The following CATSPERG variants were observed in gnomAD, a reference collection of about 807,000 sequenced individuals.
The protein encoded by CATSPERG is catsper channel auxiliary subunit gamma.
In CATSPERG, 115 loss-of-function variants were observed where a neutral mutation model predicts 145.0. The ratio of observed to expected loss-of-function variants is 0.79; its 90% CI spans 0.68 to 0.93. CATSPERG has a LOEUF of 0.93. Ranked by LOEUF, CATSPERG falls within the 40% of genes least tolerant of loss-of-function variation. CATSPERG has a pLI of 0.00. For synonymous variants in CATSPERG, 588 were observed against 589.0 expected, an observed-to-expected ratio of 1.00 and a Z score of 0.02; for missense variants, 1,296 against 1,490.1, an observed-to-expected ratio of 0.87 and a Z score of 2.14.
Position 38,354,804 on chromosome 19 carries a change from C to T in CATSPERG, c.1092C>T (p.Thr364=). Residue 364 remains threonine, a synonymous_variant, in exon 9 of 29, where the codon ACC becomes ACT. Coordinates refer to ENST00000409235, the MANE Select transcript of CATSPERG (RefSeq NM_021185.5). ...GCTCTGAGTACATAATGGCCCTCAC[C>T]ACGGGCAAGCATGAGGGTTATGTAC... The part of the protein sequence containing the change: ...SNGSEYIMAL[T]TGKHEGYVHF... 1.2e-6 allele frequency: 2 copies of T among 1,614,128 alleles called. No individual in the cohort carries two copies. The highest frequency in any genetic ancestry group is 1.7e-6 in the Non-Finnish European group (2 of 1,179,988).
chr19:38,359,194 C>A (rs985533002), intron 13 of CATSPERG, among the ~76,000 whole-genome samples: 51 of 152,016 alleles, frequency 3.4e-4, no homozygotes, highest in Non-Finnish European at 4.3e-4. Context: ...CCTCCCCACC[C>A]CAGCCACCCT....
intron 9 of CATSPERG, among the ~76,000 whole-genome samples, chr19:38,355,978 G>C (rs1373663359): frequency 6.6e-6 from 1 of 152,154 alleles, no homozygotes; most frequent in Admixed American, 6.5e-5. Flanking sequence ...GCTAATGGTA[G>C]TACTAGCATC....
At chr19:38,336,613 A>G (rs976961136) in intron 1 of CATSPERG, 4 of 236,090 alleles carry the variant, frequency 1.7e-5, no homozygotes, top group African/African-American at 9.3e-5. Flanking sequence ...GAGCGAGGAG[A>G]AAGCGGCGAT....
intron 3 of CATSPERG, among the ~76,000 whole-genome samples, chr19:38,339,075 C>G (rs1969893869): frequency 6.6e-6 from 1 of 152,120 alleles, no homozygotes; most frequent in African/African-American, 2.4e-5. Context: ...GCCCCGAGCT[C>G]TGGGAGCCCA....
At chr19:38,369,098 G>A (rs1023342322) in intron 26 of CATSPERG, among the ~76,000 whole-genome samples, 1 of 152,130 alleles carries the variant, frequency 6.6e-6, no homozygotes, top group Non-Finnish European at 1.5e-5. Context: ...ATATCTGAAT[G>A]GGGGTATTAA....
intron 7 of CATSPERG, among the ~76,000 whole-genome samples, chr19:38,351,336 C>T (rs560331035): frequency 3.3e-5 from 5 of 151,956 alleles, no homozygotes; most frequent in East Asian, 1.9e-4. Flanking sequence ...AGGCCGGGTG[C>T]GGTGGCTTAC....
At chr19:38,368,583 G>A (rs1248028202) in intron 26 of CATSPERG, among the ~76,000 whole-genome samples, 3 of 152,186 alleles carry the variant, frequency 2.0e-5, no homozygotes, top group Non-Finnish European at 2.9e-5. Flanking sequence ...GCTCTTTGTT[G>A]CCCAGGCTGG....
rs771443919 is a variant in CATSPERG at position 38,362,769 on chromosome 19, C to A, written c.2412C>A (p.Pro804=). 2.0e-5 allele frequency: 33 copies of A among 1,613,870 alleles called. No individual in the cohort carries two copies. The highest frequency in any genetic ancestry group is 2.8e-5 in the Non-Finnish European group (33 of 1,180,008). The change falls in exon 20 of 29, where the codon CCC becomes CCA. Residue 804 remains proline, a synonymous_variant. Transcript: ENST00000409235. ...ACGTGGGCGTGGTGCTGGCCGACCC[C>A]GGCTGCATCGAGGCCTCGGTGAAGC... The part of the protein sequence containing the change: ...QVDVGVVLAD[P]GCIEASVKQE...
In CATSPERG at chr19:38,370,705, TTC is replaced by T; in HGVS notation, c.3394_3395del (p.Ser1132GlnfsTer16). 6.2e-7 allele frequency: 1 copy of T among 1,614,060 alleles called. No homozygotes were observed. The highest frequency in any genetic ancestry group is 8.5e-7 in the Non-Finnish European group (1 of 1,180,000). On this transcript the variant is annotated frameshift_variant, in exon 29 of 29. Transcript: ENST00000409235. LOFTEE classifies it low-confidence loss of function (END_TRUNC). The part of the protein sequence containing the change: ...GISSMPSLRH[S>X]RMGSMFSSRM... ...TCTCGAGCATGCCGTCTCTGAGACA[TTC>T]CAGGATGGGCTCCATGTTCAGCTCC...
In CATSPERG at chr19:38,336,531, GGGAGCAAGAGCAGGGGCGGGGCCC is replaced by G. The variant is rs1568369258; in HGVS notation, c.-15+661_-14-662del. 3.7e-4 allele frequency: 102 copies of G among 279,386 alleles called. 1 individual carries two copies. Among genetic ancestry groups the G allele is most frequent in the South Asian group, 2.9e-3 (97 of 33,296 alleles). 17.3% of individuals were successfully genotyped at this position (279,386 alleles called of 1,614,324 possible). A position where few individuals can be genotyped will look rare whatever the true frequency, so the allele number is the denominator to read the frequency against. Reference sequence around the variant, plus strand: ...CGGGAGCAAGAGCAGGGGCGGGGCCGGGAGCAAGAGCAGGGGCGGGGCCCGGAGACGGGCGAGACCAGGTACAGT... The same window carrying G: ...CGGGAGCAAGAGCAGGGGCGGGGCCGGGAGACGGGCGAGACCAGGTACAGT... On this transcript the variant is annotated intron_variant, in intron 1 of 28. Coordinates refer to ENST00000409235, the MANE Select transcript of CATSPERG (RefSeq NM_021185.5).
In CATSPERG at chr19:38,362,587, C is replaced by G; in HGVS notation, c.2356+13C>G. 6.2e-7 allele frequency: 1 copy of G among 1,613,532 alleles called. No homozygotes were observed. The highest frequency in any genetic ancestry group is 1.1e-5 in the South Asian group (1 of 91,086). On this transcript the variant is annotated intron_variant, in intron 19 of 28. Transcript: ENST00000409235. ...CAGTCAGAACTCGGTCTGCGCGGGA[C>G]CAGAGTGGAGCCCGAAGGGCGGGGC...
chr19:38,360,782 C>T lies in CATSPERG; in HGVS notation c.1819C>T (p.Pro607Ser), dbSNP rs759777754. The change falls in exon 16 of 29, where the codon CCC becomes TCC. Residue 607 changes from proline (P) to serine (S), a missense_variant. Physicochemically the swap from Pro to Ser is moderately conservative, Grantham distance 74. Transcript: ENST00000409235. ...QKGQLVKRLV[P>S]VEQLLMYQQH... ...GGGCCAGCTGGTCAAGAGGCTCGTG[C>T]CCGTGGAGCAGCTTCTGATGTATCA... The T allele has an allele frequency of 6.2e-7, 1 of 1,612,800 alleles. No homozygotes were observed. The highest frequency in any genetic ancestry group is 1.1e-5 in the South Asian group (1 of 90,928).
At chr19:38,357,037 G>T (rs1298689104) in intron 11 of CATSPERG, among the ~76,000 whole-genome samples, 176 bp downstream of exon 11, 1 of 152,110 alleles carries the variant, frequency 6.6e-6, no homozygotes, top group African/African-American at 2.4e-5. Context: ...GATCTGAAAG[G>T]GCCCTGTGGC....
rs1969999299 is a variant in CATSPERG, at chr19:38,344,717, CT to C, written c.669+350del. Among the ~76,000 whole-genome samples, 26 of 141,712 alleles carry C rather than the reference CT, an allele frequency of 1.8e-4. No individual in the cohort carries two copies. In the South Asian group the frequency reaches 5.5e-3, roughly 30 times the overall value. The allele number at this position is 141,712 out of a possible 152,430, so 93.0% of individuals were successfully genotyped here. Reference sequence around the variant, plus strand: ...CTGTACATACATATATAGTACATACCTGTACATACATATATAGTACATACCT... The same window carrying C: ...CTGTACATACATATATAGTACATACCGTACATACATATATAGTACATACCT... On this transcript the variant is annotated intron_variant, in intron 6 of 28. Transcript: ENST00000409235.
At chr19:38,343,867 G>GC in intron 4 of CATSPERG, 126 bp from the exon 5 acceptor site, 1 of 1,403,590 alleles carries the variant, frequency 7.1e-7, no homozygotes, top group Non-Finnish European at 9.6e-7. Flanking sequence ...CCACACAGAG[G>GC]CCCCAGTGGG....
intron 9 of CATSPERG, among the ~76,000 whole-genome samples, chr19:38,355,752 A>G (rs544794163): frequency 6.6e-6 from 1 of 152,340 alleles, no homozygotes; most frequent in South Asian, 2.1e-4. Flanking sequence ...GTGGACTTAC[A>G]TAAATGAAAA....
Position 38,360,835 on chromosome 19 carries a change from G to T in CATSPERG, c.1872G>T (p.Glu624Asp). The change falls in exon 16 of 29, where the codon GAG (glutamate) becomes GAT (aspartate). Residue 624 changes from glutamate (E) to aspartate (D), a missense_variant. Physicochemically the swap from Glu to Asp is conservative, Grantham distance 45 (BLOSUM62 2). Coordinates refer to ENST00000409235, the MANE Select transcript of CATSPERG (RefSeq NM_021185.5). The stretch of plus-strand genomic sequence containing the variant: ...AGCACACCAGCCACTATGACTTGGA[G>T]CGGAAAGGGTGAGAAGACACCGGAC... ...YQQHTSHYDL[E>D]RKGGYLMLSF... The T allele has an allele frequency of 6.2e-7, 1 of 1,610,180 alleles. No homozygotes were observed.
intron 22 of CATSPERG, 32 bp from the exon 23 acceptor site, chr19:38,367,124 C>A: frequency 6.3e-7 from 1 of 1,593,762 alleles, no homozygotes; most frequent in South Asian, 1.1e-5. Flanking sequence ...AGACCCTGGC[C>A]ACCCCTGTGA....
At position 38,360,492 on chromosome 19, in the gene CATSPERG, T is replaced by G; in HGVS notation, c.1612T>G (p.Trp538Gly). Residue 538 changes from tryptophan to glycine, a missense_variant, in exon 15 of 29, where the codon TGG becomes GGG. Physicochemically the swap from Trp to Gly is radical, Grantham distance 184. Transcript: ENST00000409235. The stretch of plus-strand genomic sequence containing the variant: ...CATCCGGCTGTCATACCCGCAGATC[T>G]GGTACCTCCTGGAGGGCAGCTACCG... Reference protein sequence around the residue: ...VAIVTETEEIWYLLEGSYRVY... With the variant: ...VAIVTETEEIGYLLEGSYRVY... 1 of 1,613,986 alleles carries G rather than the reference T, an allele frequency of 6.2e-7. No homozygotes were observed. The highest frequency in any genetic ancestry group is 2.2e-5 in the East Asian group (1 of 44,880).
Sources: allele counts gnomAD v4.1 joint callset (sites outside exome capture counted in the v4.1 genomes callset), GRCh38; gene constraint gnomAD v4.1.1; transcripts MANE v1.5; gene names NCBI Gene and HGNC (gene_info 2026-07-23, HGNC 2026-07-21).